The following OSBPL9 variants were observed in gnomAD, a reference collection of about 807,000 sequenced individuals.
The protein encoded by OSBPL9 is oxysterol-binding protein-related protein 9.
Under a neutral mutation model 106.6 loss-of-function variants are expected in OSBPL9, and 40 were observed. That is an observed-to-expected ratio of 0.38 (90% CI 0.29 to 0.49). The LOEUF (loss-of-function observed/expected upper bound fraction) is 0.49. OSBPL9 is among the 20% of genes least tolerant of loss of function. OSBPL9 has a pLI of 0.97. For missense variants in OSBPL9, 609 were observed against 887.2 expected (o/e 0.69, Z 3.98); for synonymous variants, 269 against 295.4 (o/e 0.91, Z 0.92).
At chr1:51,519,841 T>C in the OSBPL9 span, among the ~76,000 whole-genome samples, 6 of 152,166 alleles carry the variant, frequency 3.9e-5, no homozygotes, top group Non-Finnish European at 7.3e-5. Context: ...CATCTGCTAG[T>C]ATATTGGAAA....
chr1:51,669,187 G>A (rs548826587), intron 2 of OSBPL9, among the ~76,000 whole-genome samples: 13 of 151,996 alleles, frequency 8.6e-5, no homozygotes, highest in East Asian at 1.9e-4. Flanking sequence ...TGTCCCTTCC[G>A]CCTCCCAGCA....
rs1022403388 is a variant in OSBPL9 at position 51,701,653 on chromosome 1, T to G, written c.242-12350T>G. ...TAGTCAAAATACTGGTTTTTTTTGT[T>G]TTTTTTTTATACTTTTAAGTTTTAG... On this transcript the variant is annotated intron_variant, in intron 3 of 23. Transcript: ENST00000428468. 1.1e-3 allele frequency among the ~76,000 whole-genome samples: 100 copies of G among 93,560 alleles called. No homozygotes were observed. In the Middle Eastern group the frequency reaches 0.019, roughly 18 times the overall value. The allele number at this position is 93,560 out of a possible 152,430, so 61.4% of individuals were successfully genotyped here.
intron 11 of OSBPL9, among the ~76,000 whole-genome samples, chr1:51,763,553 C>T (rs890960569): frequency 4.6e-5 from 7 of 151,954 alleles, no homozygotes; most frequent in African/African-American, 1.7e-4. Context: ...ATTTTTTTCC[C>T]GGGTAGGATT....
chr1:51,672,627 A>C (rs910055727), intron 3 of OSBPL9, among the ~76,000 whole-genome samples: 1 of 152,214 alleles, frequency 6.6e-6, no homozygotes, highest in Admixed American at 6.5e-5. Flanking sequence ...TTAGCTCAGC[A>C]TAATGTTTTT....
At position 51,723,821 on chromosome 1, in the gene OSBPL9, A is replaced by T. The variant is rs1295702545; in HGVS notation, c.318+9742A>T. 3.3e-5 allele frequency among the ~76,000 whole-genome samples: 5 copies of T among 152,224 alleles called. No homozygotes were observed. In the East Asian group the frequency reaches 9.6e-4, roughly 29 times the overall value. ...AGTGAAGTTACTATAAACATTGTAT[A>T]CAAGTTTTATGTGGATGTATGTTGT... On this transcript the variant is annotated intron_variant, in intron 4 of 23. Coordinates refer to ENST00000428468, the MANE Select transcript of OSBPL9 (RefSeq NM_024586.6).
chr1:51,691,392 G>A (rs1208129318), intron 3 of OSBPL9, among the ~76,000 whole-genome samples: 1 of 146,952 alleles, frequency 6.8e-6, no homozygotes, highest in Non-Finnish European at 1.5e-5. Context: ...CGATTCTCCT[G>A]CCTCAGCCTC....
chr1:51,523,231 A>G, the OSBPL9 span, among the ~76,000 whole-genome samples: 1 of 152,128 alleles, frequency 6.6e-6, no homozygotes, highest in Non-Finnish European at 1.5e-5. Context: ...AAATCTGAAT[A>G]CTAATAACCA....
At chr1:51,752,679 C>T in intron 8 of OSBPL9, 1 of 401,954 alleles carries the variant, frequency 2.5e-6, no homozygotes, top group South Asian at 1.8e-5. Flanking sequence ...GATGAGGGTC[C>T]TTCTCTTGGC....
At chr1:51,716,228 T>C (rs1319311179) in intron 4 of OSBPL9, among the ~76,000 whole-genome samples, 4 of 152,344 alleles carry the variant, frequency 2.6e-5, no homozygotes, top group East Asian at 3.9e-4. Flanking sequence ...TTTAGAAATA[T>C]GGAATTAATG....
At chr1:51,755,250 GATAA>G (rs907388458) in intron 8 of OSBPL9, among the ~76,000 whole-genome samples, 2 of 152,020 alleles carry the variant, frequency 1.3e-5, no homozygotes, top group African/African-American at 2.4e-5. Context: ...CCAATAAAGA[GATAA>G]ATAAACAAAT....
intron 2 of OSBPL9, among the ~76,000 whole-genome samples, chr1:51,603,203 T>G (rs1461235579): frequency 6.6e-6 from 1 of 152,178 alleles, no homozygotes; most frequent in African/African-American, 2.4e-5. Context: ...CATTTTCAAA[T>G]ATATGATTTC....
the OSBPL9 span, among the ~76,000 whole-genome samples, chr1:51,541,710 T>C: frequency 4.6e-5 from 7 of 152,138 alleles, no homozygotes; most frequent in Non-Finnish European, 8.8e-5. Flanking sequence ...GTGACTGATA[T>C]TTGAGCAAAA....
chr1:51,747,553 C>CT (rs746109312), intron 6 of OSBPL9, among the ~76,000 whole-genome samples: 5,947 of 41,854 alleles, frequency 0.14, 976 homozygotes, highest in Non-Finnish European at 0.18. Context: ...CTCTCCTTGG[C>CT]TTTTTTTTTT....
chr1:51,588,400 A>G (rs531241609), intron 1 of OSBPL9, among the ~76,000 whole-genome samples: 7 of 152,188 alleles, frequency 4.6e-5, no homozygotes, highest in African/African-American at 1.4e-4. Context: ...TAATAATAAC[A>G]ACAATCTCAG....
intron 1 of OSBPL9, chr1:51,577,322 T>C (rs1380274506): frequency 1.0e-5 from 1 of 99,610 alleles, no homozygotes; most frequent in Non-Finnish European, 1.8e-5. Flanking sequence ...TTTTCTTTTC[T>C]TTTTTTTTTT....
intron 3 of OSBPL9, among the ~76,000 whole-genome samples, chr1:51,695,559 C>T (rs1655843311): frequency 6.6e-6 from 1 of 152,088 alleles, no homozygotes; most frequent in African/African-American, 2.4e-5. Context: ...TATAATATCT[C>T]CAAACTGTGG....
At chr1:51,584,028 T>G (rs1488230914) in intron 1 of OSBPL9, among the ~76,000 whole-genome samples, 3 of 152,128 alleles carry the variant, frequency 2.0e-5, no homozygotes, top group Non-Finnish European at 4.4e-5. Context: ...ATTTATTTAT[T>G]TACTTTTTTT....
chr1:51,761,865 A>AAAACT lies in OSBPL9; in HGVS notation c.674-2_674-1insAAACT, dbSNP rs1671585032. The AAAACT allele has an allele frequency of 6.2e-7, 1 of 1,605,856 alleles. No individual in the cohort carries two copies. The highest frequency in any genetic ancestry group is 1.3e-5 in the African/African-American group (1 of 74,724). On this transcript the variant is annotated splice_acceptor_variant, in intron 10 of 23. Transcript: ENST00000428468. LOFTEE classifies it high-confidence loss of function. Reference sequence around the variant, plus strand: ...CTTATTTTATACGTTCAAATCTCCTAGAACCTGTTCAGTTGTGTAAGTCAG... The same window carrying AAAACT: ...CTTATTTTATACGTTCAAATCTCCTAAAACTGAACCTGTTCAGTTGTGTAAGTCAG...
chr1:51,582,458 G>A, intron 1 of OSBPL9, among the ~76,000 whole-genome samples: 1 of 152,134 alleles, frequency 6.6e-6, no homozygotes, highest in East Asian at 1.9e-4. Flanking sequence ...CTCCCGATTA[G>A]CTGGGATTAC....
Sources: allele counts gnomAD v4.1 joint callset (sites outside exome capture counted in the v4.1 genomes callset), GRCh38; gene constraint gnomAD v4.1.1; transcripts MANE v1.5; gene names NCBI Gene and HGNC (gene_info 2026-07-23, HGNC 2026-07-21).